INO80: variants seen among roughly 807,000 people sequenced by gnomAD.
INO80 encodes INO80 complex ATPase subunit, also known as chromatin-remodeling ATPase INO80.
INO80 carries 20 observed loss-of-function variants against 203.4 expected under a neutral mutation model. The ratio of observed to expected loss-of-function variants is 0.10; its 90% CI spans 0.07 to 0.14. The LOEUF is 0.14. Ranked by LOEUF, INO80 falls within the 10% of genes least tolerant of loss-of-function variation. The pLI is 1.00. For synonymous variants in INO80, 726 were observed against 685.2 expected (o/e 1.06, Z -0.93); for missense variants, 1,419 against 1,914.4 (o/e 0.74, Z 4.83).
In INO80 at chr15:41,116,205, G is replaced by A. The variant is rs894815064; in HGVS notation, c.-276C>T. On this transcript the variant is annotated 5_prime_UTR_variant, in exon 1 of 36. Transcript: ENST00000648947. ...CTGCGGGCGCTGGGCCGGCGGCGGC[G>A]GCGGCCACTTTCACTCACTGAGAGG... The A allele has an allele frequency of 9.8e-6, 4 of 410,054 alleles. No homozygotes were observed. Among genetic ancestry groups the A allele is most frequent in the South Asian group, 1.2e-4 (1 of 8,236 alleles). The allele number at this position is 410,054 out of a possible 1,614,324, so 25.4% of individuals were successfully genotyped here.
At chr15:41,106,369 G>A (rs185106010) in intron 1 of INO80, among the ~76,000 whole-genome samples, 136 of 137,772 alleles carry the variant, frequency 9.9e-4, no homozygotes, top group Non-Finnish European at 1.5e-3. Context: ...GGGTGACAGG[G>A]CCAGACCCTG....
intron 29 of INO80, among the ~76,000 whole-genome samples, chr15:40,991,972 T>A (rs2043822918): frequency 6.6e-6 from 1 of 152,126 alleles, no homozygotes; most frequent in African/African-American, 2.4e-5. Flanking sequence ...GAGACGGGGT[T>A]TCACTGTGTT....
intron 29 of INO80, among the ~76,000 whole-genome samples, chr15:40,988,491 T>C (rs970845847): frequency 6.6e-6 from 1 of 152,178 alleles, no homozygotes; most frequent in African/African-American, 2.4e-5. Flanking sequence ...AAGGCTGAGG[T>C]GGGAGGATTG....
intron 1 of INO80, among the ~76,000 whole-genome samples, chr15:41,113,321 C>T (rs554159551): frequency 1.3e-5 from 2 of 152,152 alleles, no homozygotes; most frequent in African/African-American, 4.8e-5. Context: ...CACTGGAGTG[C>T]AGTGGCTCAA....
Position 40,987,169 on chromosome 15 carries a change from C to T in INO80, c.3754G>A (p.Gly1252Arg). ...TTCAAGGTATCTGGTTTGAAGTTCC[C>T]ACCTGAAATCACCATCCGCTGAATC... ...SEIQRMVISG[G>R]NFKPDTLKPK... Residue 1252 changes from glycine to arginine, a missense_variant, in exon 31 of 36, where the codon GGG becomes AGG. Physicochemically the swap from Gly to Arg is moderately radical, Grantham distance 125. Around this residue, in one of 9 missense-constraint regions of INO80, gnomAD observed 65 missense variants for 186.7 expected, o/e 0.35. Coordinates refer to ENST00000648947, the MANE Select transcript of INO80 (RefSeq NM_017553.3). 1 of 1,610,646 alleles carries T rather than the reference C, an allele frequency of 6.2e-7. No homozygotes were observed. Among genetic ancestry groups the T allele is most frequent in the South Asian group, 1.1e-5 (1 of 90,956 alleles).
chr15:41,025,233 T>C (rs2044357779), intron 25 of INO80, among the ~76,000 whole-genome samples: 1 of 152,222 alleles, frequency 6.6e-6, no homozygotes, highest in South Asian at 2.1e-4. Flanking sequence ...CTGGGATTTC[T>C]GGCTCCTCTA....
chr15:41,065,230 G>C (rs2045188807), intron 14 of INO80, among the ~76,000 whole-genome samples: 1 of 151,964 alleles, frequency 6.6e-6, no homozygotes, highest in Non-Finnish European at 1.5e-5. Context: ...CTGAGGTCAG[G>C]AGTTCAAGAC....
chr15:41,048,051 A>G (rs2044799755), intron 22 of INO80, among the ~76,000 whole-genome samples, 161 bp downstream of exon 22: 1 of 152,338 alleles, frequency 6.6e-6, no homozygotes, highest in South Asian at 2.1e-4. Flanking sequence ...GAGCCTATAA[A>G]GATAACTAAT....
At position 40,979,128 on chromosome 15, in the gene INO80, T is replaced by TA. The variant is rs1287532965; in HGVS notation, c.*1094dup. 6.6e-6 allele frequency: 1 copy of TA among 152,594 alleles called. No individual in the cohort carries two copies. The highest frequency in any genetic ancestry group is 2.4e-5 in the African/African-American group (1 of 41,452). The allele number at this position is 152,594 out of a possible 1,614,324, so 9.5% of individuals were successfully genotyped here. On this transcript the variant is annotated 3_prime_UTR_variant, in exon 36 of 36. Coordinates refer to ENST00000648947, the MANE Select transcript of INO80 (RefSeq NM_017553.3). ...TATACCCCCTACTCCAAAAAAGTTT[T>TA]AAAAATCAATCTATCGAAACTCAAT... is the stretch of plus-strand genomic sequence containing the variant.
At chr15:40,998,574 C>T (rs1249543190) in intron 28 of INO80, among the ~76,000 whole-genome samples, 6 of 152,166 alleles carry the variant, frequency 3.9e-5, no homozygotes, top group Non-Finnish European at 8.8e-5. Context: ...CCAATAGGTA[C>T]CACTGTCACT....
chr15:41,054,071 G>C, intron 18 of INO80, 57 bp from the exon 19 acceptor site: 2 of 1,356,700 alleles, frequency 1.5e-6, no homozygotes, highest in South Asian at 2.4e-5. Context: ...AAAAACAACA[G>C]AAACAAATAC....
chr15:41,081,978 G>A (rs1412194726), intron 7 of INO80, among the ~76,000 whole-genome samples: 2 of 152,224 alleles, frequency 1.3e-5, no homozygotes, highest in Middle Eastern at 3.4e-3. Flanking sequence ...GGCCAGGAAT[G>A]GTGGTTCACG....
intron 27 of INO80, among the ~76,000 whole-genome samples, chr15:41,007,041 C>A (rs917848315): frequency 6.6e-6 from 1 of 152,088 alleles, no homozygotes; most frequent in East Asian, 1.9e-4. Context: ...CCTTTTGCAG[C>A]TAATCCAATC....
In INO80 at chr15:41,041,337, C is replaced by T. The variant is rs536924703; in HGVS notation, c.2907+3567G>A. On this transcript the variant is annotated intron_variant, in intron 24 of 35. Transcript: ENST00000648947. ...AACTCCTGGGCTCAAGCGATCATCC[C>T]GCCTCAGCCTCCCAAAGTGCTGGAA... Among the ~76,000 whole-genome samples, 37 of 152,152 alleles carry T rather than the reference C, an allele frequency of 2.4e-4. 1 individual carries two copies. Among genetic ancestry groups the T allele is most frequent in the African/African-American group, 8.2e-4 (34 of 41,516 alleles).
chr15:41,086,186 AAAAT>A (rs573492789), intron 6 of INO80, among the ~76,000 whole-genome samples: 18 of 152,200 alleles, frequency 1.2e-4, no homozygotes, highest in Non-Finnish European at 2.4e-4. Flanking sequence ...TGGATAAAGA[AAAAT>A]AAAAGAGAAG....
chr15:41,003,329 C>CTT (rs771356698), intron 28 of INO80, among the ~76,000 whole-genome samples: 29,196 of 106,840 alleles, frequency 0.27, 6,813 homozygotes, highest in Non-Finnish European at 0.31. Flanking sequence ...TTTTTCTTTT[C>CTT]TTTTCTTTTT....
At chr15:41,024,455 A>G (rs1348918545) in intron 25 of INO80, 1 of 152,054 alleles carries the variant, frequency 6.6e-6, no homozygotes, top group East Asian at 1.9e-4. Context: ...TTCCCTCCCC[A>G]CAAAAAATGC....
intron 26 of INO80, among the ~76,000 whole-genome samples, chr15:41,020,623 A>G (rs2044278940): frequency 7.5e-6 from 1 of 133,648 alleles, no homozygotes; most frequent in East Asian, 2.3e-4. Context: ...AGCCTTTCCT[A>G]CTAAGTTTAT....
At chr15:41,046,204 T>TG in intron 23 of INO80, among the ~76,000 whole-genome samples, 1 of 5,678 alleles carries the variant, frequency 1.8e-4, no homozygotes, top group East Asian at 9.8e-3. Flanking sequence ...TGCGTATACA[T>TG]ACATATATAT....
Sources: gnomAD v4.1 joint callset for allele counts (sites outside exome capture counted in the v4.1 genomes callset) on GRCh38, gnomAD v4.1.1 for gene constraint, gnomAD v4.1.1 regional missense constraint, MANE v1.5 for transcripts, NCBI Gene and HGNC (gene_info 2026-07-23, HGNC 2026-07-21) for gene names.